The following SPIRE2 variants were observed in gnomAD, a reference collection of about 807,000 sequenced individuals.
SPIRE2 encodes protein spire homolog 2.
SPIRE2 carries 76 observed loss-of-function variants against 80.7 expected under a neutral mutation model. That is an observed-to-expected ratio of 0.94 (90% CI 0.78 to 1.14). The LOEUF is 1.14. Among genes scored for constraint, SPIRE2 ranks in the 50% most tolerant of loss-of-function variants. The pLI is 0.00. For missense variants in SPIRE2, 1,196 were observed against 1,015.3 expected (o/e 1.18, Z -2.42); for synonymous variants, 535 against 432.6 (o/e 1.24, Z -2.94).
At chr16:89,844,468 T>G (rs2041537908) in intron 1 of SPIRE2, among the ~76,000 whole-genome samples, 1 of 150,694 alleles carries the variant, frequency 6.6e-6, no homozygotes, top group Non-Finnish European at 1.5e-5. Flanking sequence ...AGACAGAGTC[T>G]CACTCTGTTG....
At chr16:89,833,189 A>G (rs1250192422) in intron 1 of SPIRE2, among the ~76,000 whole-genome samples, 1 of 151,788 alleles carries the variant, frequency 6.6e-6, no homozygotes, top group Non-Finnish European at 1.5e-5. Context: ...GGGTTTCACC[A>G]TGTTGGCCAG....
At position 89,863,289 on chromosome 16, in the gene SPIRE2, G is replaced by A. The variant is rs1247984950; in HGVS notation, c.1576-187G>A. The A allele has an allele frequency of 7.5e-6, 5 of 662,986 alleles. No individual in the cohort carries two copies. Among genetic ancestry groups the A allele is most frequent in the Non-Finnish European group, 1.3e-5 (5 of 396,716 alleles). The allele number at this position is 662,986 out of a possible 1,614,324, so 41.1% of individuals were successfully genotyped here. On this transcript the variant is annotated intron_variant, in intron 10 of 14. Transcript: ENST00000378247. The surrounding 1 kb of genome is among the most constrained non-coding windows in gnomAD (Gnocchi z 4.3). ...CCGCTGGTCATGGGAGGCCTGGCCT[G>A]CAGCAGCAGGGCCCATCAAAGACAT...
At chr16:89,839,047 A>AC in intron 1 of SPIRE2, among the ~76,000 whole-genome samples, 1 of 149,546 alleles carries the variant, frequency 6.7e-6, no homozygotes, top group African/African-American at 2.5e-5. Context: ...CGAGTGTTAA[A>AC]CTGTTAGGAG....
In SPIRE2 at chr16:89,849,092, C is replaced by G. The variant is rs549307961; in HGVS notation, c.289-1212C>G. On this transcript the variant is annotated intron_variant, in intron 2 of 14. Transcript: ENST00000378247. ...TCACCTGTTCTTGTTCTGCCCGGCT[C>G]AGGATCAGGTTTCCTGGGCTCCCAG... 3.3e-5 allele frequency among the ~76,000 whole-genome samples: 5 copies of G among 152,384 alleles called. No homozygotes were observed. The East Asian group carries it at 7.7e-4, about 23-fold the overall frequency.
chr16:89,839,298 C>A (rs2041480845), intron 1 of SPIRE2, among the ~76,000 whole-genome samples: 1 of 150,438 alleles, frequency 6.6e-6, no homozygotes, highest in African/African-American at 2.5e-5. Context: ...GGCATGAACC[C>A]AGGAGGCAGA....
intron 3 of SPIRE2, among the ~76,000 whole-genome samples, chr16:89,853,214 G>T (rs1597217986): frequency 1.3e-5 from 2 of 152,182 alleles, no homozygotes; most frequent in African/African-American, 4.8e-5. Flanking sequence ...TGTTGCCCAG[G>T]CTGGTCTCAA....
intron 1 of SPIRE2, among the ~76,000 whole-genome samples, chr16:89,836,680 C>T (rs1163420180): frequency 6.6e-6 from 1 of 151,930 alleles, no homozygotes; most frequent in East Asian, 1.9e-4. Flanking sequence ...CCCTGGAGAG[C>T]TGTGAAAAAT....
In SPIRE2 at chr16:89,868,181, C is replaced by T; in HGVS notation, c.1779-8C>T. ...TGCTGATGCTGCATTTCCTCTGTTC[C>T]CTTCCAGAGCCGTCTGCACTTCCTG... On this transcript the variant is annotated splice_region_variant and splice_polypyrimidine_tract_variant and intron_variant, in intron 12 of 14. Coordinates refer to ENST00000378247, the MANE Select transcript of SPIRE2 (RefSeq NM_032451.2). The T allele has an allele frequency of 6.2e-7, 1 of 1,614,092 alleles. No individual in the cohort carries two copies. Among genetic ancestry groups the T allele is most frequent in the Non-Finnish European group, 8.5e-7 (1 of 1,179,980 alleles).
intron 4 of SPIRE2, 35 bp from the exon 5 acceptor site, chr16:89,854,452 G>A: frequency 6.2e-7 from 1 of 1,610,944 alleles, no homozygotes. Context: ...AGCTTCACCT[G>A]GGGCTGAGAC....
intron 3 of SPIRE2, among the ~76,000 whole-genome samples, chr16:89,853,082 G>A (rs897886194): frequency 8.5e-5 from 13 of 152,058 alleles, no homozygotes; most frequent in Non-Finnish European, 1.2e-4. Context: ...TGCTTCTAAC[G>A]TTCCCCACAA....
intron 1 of SPIRE2, among the ~76,000 whole-genome samples, chr16:89,832,318 G>A (rs557456065): frequency 2.0e-5 from 3 of 152,392 alleles, no homozygotes; most frequent in Non-Finnish European, 2.9e-5. Context: ...TCAGTGGCCA[G>A]GACTGTCTGG....
At chr16:89,834,292 G>A (rs56025981) in intron 1 of SPIRE2, among the ~76,000 whole-genome samples, 1 of 139,876 alleles carries the variant, frequency 7.1e-6, no homozygotes, top group East Asian at 2.0e-4. Context: ...CCGCGCTCGC[G>A]GTTGGCCGTC....
chr16:89,853,273 G>C (rs1701938551), intron 3 of SPIRE2, among the ~76,000 whole-genome samples: 1 of 151,808 alleles, frequency 6.6e-6, no homozygotes, highest in African/African-American at 2.4e-5. Flanking sequence ...AGAGTGCTGG[G>C]GTTACAGCTA....
At chr16:89,831,774 C>A (rs1322427890) in intron 1 of SPIRE2, among the ~76,000 whole-genome samples, 1 of 151,110 alleles carries the variant, frequency 6.6e-6, no homozygotes, top group Non-Finnish European at 1.5e-5. Flanking sequence ...CCAGGTATCC[C>A]CCGCCCTTTC....
chr16:89,843,535 G>T (rs1182771318), intron 1 of SPIRE2, among the ~76,000 whole-genome samples: 1 of 150,436 alleles, frequency 6.6e-6, no homozygotes, highest in Non-Finnish European at 1.5e-5. Context: ...TCTGACCCGG[G>T]GTTTCTCATC....
chr16:89,855,088 G>A (rs2041676929), intron 5 of SPIRE2, among the ~76,000 whole-genome samples: 1 of 152,218 alleles, frequency 6.6e-6, no homozygotes, highest in South Asian at 2.1e-4. Flanking sequence ...ACAGGCGCCC[G>A]CCACCACGCC....
At chr16:89,866,162 C>T (rs1011302546) in intron 12 of SPIRE2, among the ~76,000 whole-genome samples, 2 of 151,594 alleles carry the variant, frequency 1.3e-5, no homozygotes, top group African/African-American at 4.9e-5. Context: ...AAAAAAATCA[C>T]CTAATTTTAT....
At position 89,861,980 on chromosome 16, in the gene SPIRE2, A is replaced by T. The variant is rs946759897; in HGVS notation, c.1575+1185A>T. 2.7e-5 allele frequency: 4 copies of T among 150,448 alleles called. No homozygotes were observed. In the East Asian group the frequency reaches 5.9e-4, roughly 22 times the overall value. The allele number at this position is 150,448 out of a possible 1,614,324, so 9.3% of individuals were successfully genotyped here. ...CTAAGTCCAGCCTATTCTCAAGGGG[A>T]GGGAGAGAATTAAGGCCCACTTCTT... On this transcript the variant is annotated intron_variant, in intron 10 of 14. Transcript: ENST00000378247.
At chr16:89,859,399 C>T (rs372460958) in intron 9 of SPIRE2, 45 bp downstream of exon 9, 105 of 1,260,892 alleles carry the variant, frequency 8.3e-5, no homozygotes, top group Middle Eastern at 2.8e-4. Context: ...GCCCCCACCC[C>T]GATCCATCCT....
Sources: gnomAD v4.1 joint callset for allele counts (sites outside exome capture counted in the v4.1 genomes callset) on GRCh38, gnomAD v4.1.1 for gene constraint, Gnocchi (gnomAD v3.1) non-coding constraint, MANE v1.5 for transcripts, NCBI Gene and HGNC (gene_info 2026-07-23, HGNC 2026-07-21) for gene names.